Variants in CEP44 observed in about 807,000 individuals in gnomAD.
CEP44 encodes the protein centrosomal protein of 44 kDa.
CEP44 carries 45 observed loss-of-function variants against 46.7 expected under a neutral mutation model. That is an observed-to-expected ratio of 0.96 (90% CI 0.76 to 1.24). The LOEUF is 1.24. CEP44 is among the 50% of genes most tolerant of loss of function. The pLI is 0.00. For synonymous variants in CEP44, 142 were observed against 146.0 expected, an observed-to-expected ratio of 0.97 and a Z score of 0.20; for missense variants, 475 against 459.7, an observed-to-expected ratio of 1.03 and a Z score of -0.30.
chr4:174,295,673 G>A (rs1203428841), intron 1 of CEP44, among the ~76,000 whole-genome samples: 4 of 152,076 alleles, frequency 2.6e-5, no homozygotes, highest in Admixed American at 2.6e-4. Context: ...CCGAGATCAC[G>A]CCACTGCACT....
chr4:174,319,126 T>C lies in CEP44; in HGVS notation c.*1743T>C, dbSNP rs1448745593. Reference sequence around the variant, plus strand: ...CTTGGCCACATTTTTAGTATTCTAATAAACAGTTGGTCATCAGAACTTTAA... The same window carrying C: ...CTTGGCCACATTTTTAGTATTCTAACAAACAGTTGGTCATCAGAACTTTAA... On this transcript the variant is annotated 3_prime_UTR_variant, in exon 12 of 12. Transcript: ENST00000503780. 2.0e-6 allele frequency: 2 copies of C among 984,812 alleles called. No homozygotes were observed. The highest frequency in any genetic ancestry group is 2.3e-4 in the East Asian group (2 of 8,828). 61.0% of individuals were successfully genotyped at this position (984,812 alleles called of 1,614,324 possible).
rs1204121334 is a variant in CEP44, at chr4:174,320,060, A to G, written c.*2677A>G. ...TTGAAAAAACACTGTACTACCAACA[A>G]AGGTGTCAGTTGCTTGTGCTGCCCT... On this transcript the variant is annotated 3_prime_UTR_variant, in exon 12 of 12. Coordinates refer to ENST00000503780, the MANE Select transcript of CEP44 (RefSeq NM_001040157.3). 2.0e-6 allele frequency: 2 copies of G among 985,084 alleles called. No individual in the cohort carries two copies. Among genetic ancestry groups the G allele is most frequent in the East Asian group, 1.1e-4 (1 of 8,806 alleles). 61.0% of individuals were successfully genotyped at this position (985,084 alleles called of 1,614,324 possible).
At chr4:174,321,542 C>T (rs912971673), downstream of CEP44, among the ~76,000 whole-genome samples, 1 of 152,084 alleles carries the variant, frequency 6.6e-6, no homozygotes. Context: ...CATTAGCCTC[C>T]ATCTTTGAAA....
chr4:174,316,465 C>T (rs1035770005), intron 10 of CEP44, 65 bp from the exon 11 acceptor site: 59 of 1,436,632 alleles, frequency 4.1e-5, no homozygotes, highest in South Asian at 2.9e-4. Context: ...TGTACATTCT[C>T]GGTCCATCTT....
chr4:174,297,098 T>C lies in CEP44; in HGVS notation c.-147-868T>C, dbSNP rs1395126721. Among the ~76,000 whole-genome samples, 1 of 152,082 alleles carries C rather than the reference T, an allele frequency of 6.6e-6. No individual in the cohort carries two copies. The highest frequency in any genetic ancestry group is 2.4e-5 in the African/African-American group (1 of 41,400). On this transcript the variant is annotated intron_variant, in intron 1 of 11. Transcript: ENST00000503780. The surrounding 1 kb of genome is among the most constrained non-coding windows in gnomAD (Gnocchi z 4.3). ...CCCTATCCATTTACTTTTAATCTTA[T>C]AAACAAAATGGATTTCTTATAGACA...
chr4:174,327,161 G>A (rs945983248), intron 8 of CEP44, among the ~76,000 whole-genome samples: 1 of 147,316 alleles, frequency 6.8e-6, no homozygotes, highest in Non-Finnish European at 1.5e-5. Context: ...ATACGTGTGT[G>A]TGTGTATATA....
At chr4:174,289,352 T>C (rs1192414936) in intron 1 of CEP44, among the ~76,000 whole-genome samples, 1 of 151,824 alleles carries the variant, frequency 6.6e-6, no homozygotes, top group Admixed American at 6.6e-5. Context: ...TTTCTTTAAA[T>C]GTTTGCTAGA....
Position 174,303,771 on chromosome 4 carries a change from A to G in CEP44, c.306A>G (p.Ala102=). ...AGCAGTTTATCCAATGTGGGTTTGC[A>G]GAATGGAAAATCCAAATTGTTTGTG... ...TKKQFIQCGF[A]EWKIQIVCDI... The change falls in exon 5 of 12, where the codon GCA becomes GCG. Residue 102 remains alanine (A), a synonymous_variant. Coordinates refer to ENST00000503780, the MANE Select transcript of CEP44 (RefSeq NM_001040157.3). 6.4e-7 allele frequency: 1 copy of G among 1,573,380 alleles called. No individual in the cohort carries two copies. Among genetic ancestry groups the G allele is most frequent in the Non-Finnish European group, 8.7e-7 (1 of 1,149,006 alleles).
chr4:174,298,210 C>G (rs1327926923), intron 2 of CEP44, 148 bp downstream of exon 2: 2 of 121,736 alleles, frequency 1.6e-5, no homozygotes, highest in Non-Finnish European at 3.2e-5. Flanking sequence ...GAGTCTCGCT[C>G]TGTCGCCCAG....
At position 174,331,321 on chromosome 4, in the gene CEP44, CTTTG is replaced by C. The variant is rs893248517; in HGVS notation, c.1087-156_1087-153del. 2.5e-4 allele frequency among the ~76,000 whole-genome samples: 38 copies of C among 151,388 alleles called. No homozygotes were observed. Among genetic ancestry groups the C allele is most frequent in the African/African-American group, 8.5e-4 (35 of 41,332 alleles). On this transcript the variant is annotated intron_variant, in intron 8 of 8. Coordinates refer to the CEP44 transcript ENST00000426172. The surrounding 1 kb of genome is among the most constrained non-coding windows in gnomAD (Gnocchi z 4.5). ...TCTAAATAATATGATTGTCATTTCT[CTTTG>C]TTTGCTTGGTCTTCTTTAGGCATTA... is the stretch of plus-strand genomic sequence containing the variant.
Position 174,316,514 on chromosome 4 carries a change from G to T in CEP44, c.1087-16G>T. 1 of 1,574,970 alleles carries T rather than the reference G, an allele frequency of 6.3e-7. No individual in the cohort carries two copies. Among genetic ancestry groups the T allele is most frequent in the Non-Finnish European group, 8.7e-7 (1 of 1,154,964 alleles). On this transcript the variant is annotated splice_polypyrimidine_tract_variant and intron_variant, in intron 10 of 11. Coordinates refer to ENST00000503780, the MANE Select transcript of CEP44 (RefSeq NM_001040157.3). ...CTTTGAGAAATCATCTAAATTTGTTGCTTTTTAAATTAAAGGAAACAACAA... is the reference window on the plus strand; with the variant it reads ...CTTTGAGAAATCATCTAAATTTGTTTCTTTTTAAATTAAAGGAAACAACAA...
chr4:174,292,530 C>T (rs952074422), intron 1 of CEP44, among the ~76,000 whole-genome samples: 3 of 152,222 alleles, frequency 2.0e-5, no homozygotes, highest in African/African-American at 7.2e-5. Flanking sequence ...CCATAAGTCC[C>T]GTAGTATTAC....
Position 174,317,698 on chromosome 4 carries a change from G to A in CEP44, c.*315G>A, listed in dbSNP as rs1741894428. ...ATTTGTTGGCAGTGTGCTAAGTAAT[G>A]TTTTTTAAAGCACAGGCTTGAGGAC... On this transcript the variant is annotated 3_prime_UTR_variant, in exon 12 of 12. Coordinates refer to ENST00000503780, the MANE Select transcript of CEP44 (RefSeq NM_001040157.3). The A allele has an allele frequency of 2.0e-6, 2 of 999,318 alleles. No homozygotes were observed. Among genetic ancestry groups the A allele is most frequent in the Admixed American group, 1.2e-4 (2 of 16,708 alleles). The allele number at this position is 999,318 out of a possible 1,614,324, so 61.9% of individuals were successfully genotyped here. A position where few individuals can be genotyped will look rare whatever the true frequency, so the allele number is the denominator to read the frequency against.
Position 174,317,845 on chromosome 4 carries a change from G to T in CEP44, c.*462G>T. On this transcript the variant is annotated 3_prime_UTR_variant, in exon 12 of 12. Transcript: ENST00000503780. ...TAAGTTATAATGAACAGTTAAAAAT[G>T]CTCATTGAAAATTAAATAAAACAAA... 1.0e-6 allele frequency: 1 copy of T among 985,722 alleles called. No individual in the cohort carries two copies. Among genetic ancestry groups the T allele is most frequent in the South Asian group, 4.7e-5 (1 of 21,276 alleles). 61.1% of individuals were successfully genotyped at this position (985,722 alleles called of 1,614,324 possible).
At chr4:174,333,166 A>C (rs1324326404) in exon 9 of CEP44, 1 of 146,852 alleles carries the variant, frequency 6.8e-6, no homozygotes, top group Non-Finnish European at 1.5e-5. Context: ...TGTTATATTG[A>C]TATTGACAGA....
chr4:174,292,674 G>A lies in CEP44; in HGVS notation c.-147-5292G>A, dbSNP rs558128254. On this transcript the variant is annotated intron_variant, in intron 1 of 11. Coordinates refer to ENST00000503780, the MANE Select transcript of CEP44 (RefSeq NM_001040157.3). Reference sequence around the variant, plus strand: ...TTGAAGCCTTCTATTGAATTTTTTAGTTCAGTCATTGTATCCTTCAGCTCT... The same window carrying A: ...TTGAAGCCTTCTATTGAATTTTTTAATTCAGTCATTGTATCCTTCAGCTCT... 1.5e-4 allele frequency among the ~76,000 whole-genome samples: 23 copies of A among 152,056 alleles called. No homozygotes were observed. In the South Asian group the frequency reaches 2.1e-3, roughly 14 times the overall value.
At position 174,301,796 on chromosome 4, in the gene CEP44, G is replaced by A. The variant is rs568150404; in HGVS notation, c.90-243G>A. On this transcript the variant is annotated intron_variant, in intron 3 of 11. Coordinates refer to ENST00000503780, the MANE Select transcript of CEP44 (RefSeq NM_001040157.3). This position sits in a 1 kb window ranked among gnomAD's most constrained non-coding sequence, Gnocchi z 4.3. ...TTGGAAAATCAATGGTAAATAGTTG[G>A]TACTAGAGACCTATAGTAAGTTTTT... 1.3e-5 allele frequency among the ~76,000 whole-genome samples: 2 copies of A among 152,194 alleles called. No individual in the cohort carries two copies. The highest frequency in any genetic ancestry group is 4.8e-5 in the African/African-American group (2 of 41,536).
At chr4:174,332,664 G>C (rs528697639) in exon 9 of CEP44, 2 of 152,224 alleles carry the variant, frequency 1.3e-5, no homozygotes, top group South Asian at 2.1e-4. Flanking sequence ...GAGATCTCAG[G>C]CATAGCATGC....
intron 6 of CEP44, among the ~76,000 whole-genome samples, chr4:174,305,226 G>T (rs1740243683): frequency 6.6e-6 from 1 of 152,176 alleles, no homozygotes; most frequent in Admixed American, 6.5e-5. Context: ...GGCCAAGGCA[G>T]GTGGATCACC....
Sources: allele counts gnomAD v4.1 joint callset (sites outside exome capture counted in the v4.1 genomes callset), GRCh38; gene constraint gnomAD v4.1.1; non-coding constraint Gnocchi (gnomAD v3.1); transcripts MANE v1.5; gene names NCBI Gene and HGNC (gene_info 2026-07-23, HGNC 2026-07-21).